RRBP1: variants seen among roughly 807,000 people sequenced by gnomAD.
RRBP1 encodes the protein ribosome binding protein 1, also known as ribosome-binding protein 1.
Under a neutral mutation model 165.2 loss-of-function variants are expected in RRBP1, and 94 were observed. That is an observed-to-expected ratio of 0.57 (90% CI 0.48 to 0.68). The LOEUF is 0.68. Among genes scored for constraint, RRBP1 ranks in the 30% least tolerant of loss-of-function variants. RRBP1 has a pLI of 0.00. For missense variants in RRBP1, 1,676 were observed against 1,763.0 expected, an observed-to-expected ratio of 0.95 and a Z score of 0.88; for synonymous variants, 680 against 714.5, an observed-to-expected ratio of 0.95 and a Z score of 0.77.
chr20:17,614,242 G>A (rs770055260), intron 24 of RRBP1, 22 bp from the exon 25 acceptor site: 25 of 1,611,486 alleles, frequency 1.6e-5, no homozygotes, highest in Middle Eastern at 1.6e-4. Flanking sequence ...GGCAGGTGGC[G>A]TGAGGGGGGC....
At chr20:17,680,283 C>A (rs2037156200) in intron 1 of RRBP1, among the ~76,000 whole-genome samples, 1 of 152,204 alleles carries the variant, frequency 6.6e-6, no homozygotes, top group African/African-American at 2.4e-5. Flanking sequence ...GGCGGGGTAA[C>A]ATTCGCAGTT....
intron 3 of RRBP1, among the ~76,000 whole-genome samples, chr20:17,646,713 C>T (rs146512034): frequency 2.0e-5 from 3 of 152,344 alleles, no homozygotes; most frequent in African/African-American, 7.2e-5. Context: ...CCTTCTGCGA[C>T]CACACTGGGA....
At chr20:17,661,249 C>T (rs781430949) in intron 2 of RRBP1, among the ~76,000 whole-genome samples, 6 of 152,176 alleles carry the variant, frequency 3.9e-5, no homozygotes, top group East Asian at 1.9e-4. Flanking sequence ...AATCCTGAAA[C>T]GTGTTCAAAA....
At chr20:17,665,173 A>C (rs1287520824) in intron 2 of RRBP1, among the ~76,000 whole-genome samples, 2 of 151,946 alleles carry the variant, frequency 1.3e-5, no homozygotes, top group Non-Finnish European at 2.9e-5. Flanking sequence ...CTAGAGGGGG[A>C]CAACACCCTG....
intron 2 of RRBP1, among the ~76,000 whole-genome samples, chr20:17,676,393 G>A (rs1054359670): frequency 6.6e-6 from 1 of 152,038 alleles, no homozygotes; most frequent in African/African-American, 2.4e-5. Context: ...GAGCTAGCTG[G>A]CCTAGTTTCA....
At chr20:17,617,340 T>C (rs1423391745) in intron 20 of RRBP1, among the ~76,000 whole-genome samples, 1 of 152,234 alleles carries the variant, frequency 6.6e-6, no homozygotes, top group Non-Finnish European at 1.5e-5. Context: ...CCACTGGGCC[T>C]GCAATTTGAA....
intron 6 of RRBP1, 49 bp from the exon 7 acceptor site, chr20:17,635,713 A>C: frequency 7.1e-7 from 1 of 1,399,712 alleles, no homozygotes; most frequent in Non-Finnish European, 1.0e-6. Flanking sequence ...CCTCACACAC[A>C]GAACTGACTT....
intron 7 of RRBP1, among the ~76,000 whole-genome samples, chr20:17,634,498 C>T (rs969037984): frequency 6.6e-6 from 1 of 152,168 alleles, no homozygotes; most frequent in Non-Finnish European, 1.5e-5. Context: ...AGGAGGGAGG[C>T]GGAAGGTCGT....
rs78503950 is a variant in RRBP1, at chr20:17,656,509, G to A, written c.1912+2087C>T. Among the ~76,000 whole-genome samples, 345 of 152,264 alleles carry A rather than the reference G, an allele frequency of 2.3e-3. 1 individual carries two copies. The highest frequency in any genetic ancestry group is 3.9e-3 in the Non-Finnish European group (268 of 68,018). ...AGACTTTTCCAAATTATGAATATAT[G>A]AACACACTGCCCTAGATCATCTGCT... is the stretch of plus-strand genomic sequence containing the variant. On this transcript the variant is annotated intron_variant, in intron 3 of 24. Transcript: ENST00000377813.
intron 17 of RRBP1, 116 bp downstream of exon 17, chr20:17,620,599 G>C (rs543298561): frequency 1.2e-6 from 1 of 855,860 alleles, no homozygotes; most frequent in Non-Finnish European, 1.9e-6. Context: ...ATAGGGTGTC[G>C]TGGAAAAGCC....
chr20:17,637,986 G>C (rs183201581), intron 5 of RRBP1, among the ~76,000 whole-genome samples: 4 of 152,184 alleles, frequency 2.6e-5, no homozygotes, highest in Non-Finnish European at 5.9e-5. Flanking sequence ...TCCAAGGCTG[G>C]GGAGCAGCTC....
At chr20:17,636,801 G>GCATC (rs1286121204) in intron 5 of RRBP1, 72 bp from the exon 6 acceptor site, 10 of 1,578,276 alleles carry the variant, frequency 6.3e-6, no homozygotes, top group Non-Finnish European at 6.9e-6. Flanking sequence ...GGGAGCAAGA[G>GCATC]CATCACCCGA....
At chr20:17,678,878 C>A (rs577858613) in intron 2 of RRBP1, among the ~76,000 whole-genome samples, 15 of 152,178 alleles carry the variant, frequency 9.9e-5, no homozygotes, top group African/African-American at 3.6e-4. Flanking sequence ...ACACAGGAGA[C>A]CCTCGGTGAA....
chr20:17,651,345 TA>T (rs2036552790), intron 3 of RRBP1, among the ~76,000 whole-genome samples: 1 of 152,196 alleles, frequency 6.6e-6, no homozygotes, highest in East Asian at 1.9e-4. Flanking sequence ...CTTCCTAAAT[TA>T]AAAACGTACC....
intron 1 of RRBP1, among the ~76,000 whole-genome samples, chr20:17,680,663 C>T (rs984547034): frequency 7.2e-5 from 11 of 152,086 alleles, no homozygotes; most frequent in Non-Finnish European, 1.3e-4. Context: ...AACTAGGATT[C>T]AGAGGGGCTA....
intron 16 of RRBP1, among the ~76,000 whole-genome samples, chr20:17,621,193 G>C (rs1360434307): frequency 1.3e-5 from 2 of 152,218 alleles, no homozygotes; most frequent in African/African-American, 2.4e-5. Context: ...CAACCTGGCA[G>C]TCACCAGCTG....
In RRBP1 at chr20:17,620,777, C is replaced by T. The variant is rs780857000; in HGVS notation, c.3445G>A (p.Val1149Met). Residue 1149 changes from valine (V) to methionine (M), a missense_variant, in exon 17 of 25, where the codon GTG becomes ATG. By Grantham distance (21) the Val-to-Met change is conservative. Around this residue, in one of 5 missense-constraint regions of RRBP1, gnomAD observed 1,184 missense variants for 1,167.1 expected, o/e 1.01. Coordinates refer to ENST00000377813, the MANE Select transcript of RRBP1 (RefSeq NM_001365613.2). ...CTCCACACCTGCTCCTCCTCCTCCA[C>T]GCTCTTCTGCAGGTCTCTGAGCATG... ...EGMLRDLQKS[V>M]EEEEQVWRAK... 15 of 1,608,726 alleles carry T rather than the reference C, an allele frequency of 9.3e-6. No individual in the cohort carries two copies. Among genetic ancestry groups the T allele is most frequent in the Admixed American group, 6.7e-5 (4 of 59,998 alleles).
intron 2 of RRBP1, among the ~76,000 whole-genome samples, chr20:17,663,322 C>T (rs1247550280): frequency 1.3e-5 from 2 of 152,250 alleles, no homozygotes; most frequent in Non-Finnish European, 2.9e-5. Context: ...TCTTACTCAA[C>T]ATAGGCAAAC....
rs150044207 is a variant in RRBP1 at position 17,672,806 on chromosome 20, G to C, written c.-22+7193C>G. 3.3e-3 allele frequency among the ~76,000 whole-genome samples: 505 copies of C among 152,316 alleles called. 5 individuals carry two copies. Among genetic ancestry groups the C allele is most frequent in the African/African-American group, 0.011 (472 of 41,554 alleles). ...ATATATTCACATGCTGGAATAGTGAGAATGAACAAACTACAATTACCCCAA... is the reference window on the plus strand; with the variant it reads ...ATATATTCACATGCTGGAATAGTGACAATGAACAAACTACAATTACCCCAA... On this transcript the variant is annotated intron_variant, in intron 2 of 24. Transcript: ENST00000377813.
Sources: allele counts gnomAD v4.1 joint callset (sites outside exome capture counted in the v4.1 genomes callset), GRCh38; gene constraint gnomAD v4.1.1; regional missense constraint gnomAD v4.1.1; transcripts MANE v1.5; gene names NCBI Gene and HGNC (gene_info 2026-07-23, HGNC 2026-07-21).